Variants in MAGI3 observed in about 807,000 individuals in gnomAD.
MAGI3 encodes membrane associated guanylate kinase, WW and PDZ domain containing 3.
A neutral mutation model predicts 121.8 loss-of-function variants in MAGI3; 43 were observed. That is an observed-to-expected ratio of 0.35 (90% CI 0.28 to 0.46). MAGI3 has a LOEUF of 0.46. Among genes scored for constraint, MAGI3 ranks in the 20% least tolerant of loss-of-function variants. The probability of loss-of-function intolerance (pLI) is 1.00; values close to 1 mark genes in which losing one functional copy is unlikely to be tolerated. For synonymous variants in MAGI3, 553 were observed against 639.3 expected, an observed-to-expected ratio of 0.86 and a Z score of 2.04; for missense variants, 1,547 against 1,797.3, an observed-to-expected ratio of 0.86 and a Z score of 2.52.
chr1:113,681,556 TTAATC>T (rs1648217896), intron 20 of MAGI3, among the ~76,000 whole-genome samples: 1 of 152,208 alleles, frequency 6.6e-6, no homozygotes. Context: ...TATTTTAAAT[TTAATC>T]AGAAAAAACA....
chr1:113,512,278 T>C (rs1437515036), intron 1 of MAGI3, among the ~76,000 whole-genome samples: 1 of 152,198 alleles, frequency 6.6e-6, no homozygotes, highest in Non-Finnish European at 1.5e-5. Context: ...TCTTCTATTA[T>C]AATGTTTAGA....
intron 8 of MAGI3, among the ~76,000 whole-genome samples, chr1:113,621,019 G>A (rs1019571832): frequency 3.3e-5 from 5 of 152,174 alleles, no homozygotes; most frequent in South Asian, 2.1e-4. Flanking sequence ...GCATAAAGAC[G>A]GGAGTACCCA....
intron 9 of MAGI3, among the ~76,000 whole-genome samples, chr1:113,627,301 T>C (rs1206929270): frequency 6.6e-6 from 1 of 151,984 alleles, no homozygotes; most frequent in Non-Finnish European, 1.5e-5. Context: ...AGATACTTGA[T>C]ATAATTTTAA....
chr1:113,628,773 T>C (rs1651411305), intron 9 of MAGI3, among the ~76,000 whole-genome samples: 1 of 152,216 alleles, frequency 6.6e-6, no homozygotes, highest in Non-Finnish European at 1.5e-5. Flanking sequence ...CACTGGAAAG[T>C]CTGCTGTTAG....
chr1:113,518,554 A>G (rs2051880277), intron 1 of MAGI3, among the ~76,000 whole-genome samples: 1 of 152,108 alleles, frequency 6.6e-6, no homozygotes. Flanking sequence ...GAAACCTTTC[A>G]ACTATAATTA....
chr1:113,456,824 G>A (rs942687667), intron 1 of MAGI3, among the ~76,000 whole-genome samples: 1 of 147,912 alleles, frequency 6.8e-6, no homozygotes, highest in African/African-American at 2.5e-5. Context: ...ATGAAAATAG[G>A]ATAAAATAAA....
At chr1:113,420,815 C>G (rs1462050654) in intron 1 of MAGI3, among the ~76,000 whole-genome samples, 2 of 152,090 alleles carry the variant, frequency 1.3e-5, no homozygotes, top group African/African-American at 4.8e-5. Context: ...CAGGTAGACT[C>G]AAAAAGCTTT....
chr1:113,653,901 G>A lies in MAGI3; in HGVS notation c.2512G>A (p.Ala838Thr), dbSNP rs1653321352. 1.2e-6 allele frequency: 2 copies of A among 1,613,932 alleles called. No homozygotes were observed. The highest frequency in any genetic ancestry group is 1.7e-6 in the Non-Finnish European group (2 of 1,179,988). ...GAATGGATCTCCCCGCCTGAACCGGGCAGAGGTCCCAGCCAGGCCTGCACC... is the reference window on the plus strand; with the variant it reads ...GAATGGATCTCCCCGCCTGAACCGGACAGAGGTCCCAGCCAGGCCTGCACC... ...TQNGSPRLNRAEVPARPAPQE... is the reference protein window; with the variant it reads ...TQNGSPRLNRTEVPARPAPQE... The change falls in exon 15 of 21, where the codon GCA becomes ACA. Residue 838 changes from alanine to threonine, a missense_variant. By Grantham distance (58) the Ala-to-Thr change is moderately conservative. Coordinates refer to ENST00000307546, the MANE Select transcript of MAGI3 (RefSeq NM_001142782.2).
chr1:113,391,108 CCCGGGCGACTTCGGCGCG>C lies in MAGI3; in HGVS notation c.76_93del (p.Pro26_Ala31del). The C allele has an allele frequency of 6.3e-7, 1 of 1,582,180 alleles. No homozygotes were observed. The highest frequency in any genetic ancestry group is 8.6e-7 in the Non-Finnish European group (1 of 1,164,788). The stretch of plus-strand genomic sequence containing the variant: ...AGTGCGCCGTGTCCTGGGCCGGGCC[CCCGGGCGACTTCGGCGCG>C]GAGATCCGCGGTGGCGCGGAGCGTG... On this transcript the variant is annotated inframe_deletion, in exon 1 of 21. Coordinates refer to ENST00000307546, the MANE Select transcript of MAGI3 (RefSeq NM_001142782.2). The surrounding 1 kb of genome is among the most constrained non-coding windows in gnomAD (Gnocchi z 4.4).
At chr1:113,662,895 G>A (rs1357056263) in intron 16 of MAGI3, among the ~76,000 whole-genome samples, 3 of 151,654 alleles carry the variant, frequency 2.0e-5, no homozygotes, top group African/African-American at 7.3e-5. Context: ...TTTTTAATTG[G>A]GATAGACTTC....
intron 1 of MAGI3, among the ~76,000 whole-genome samples, chr1:113,414,521 T>A (rs1226396010): frequency 6.6e-6 from 1 of 152,128 alleles, no homozygotes; most frequent in Non-Finnish European, 1.5e-5. Context: ...TTTTTTTTGT[T>A]GGTAGGCTAT....
In MAGI3 at chr1:113,490,541, T is replaced by G. The variant is rs577389918; in HGVS notation, c.317-58974T>G. ...CAAACATACTAATACTAACCTTGAATGTAATGAGCTAAATGCCCCAATTAA... is the reference window on the plus strand; with the variant it reads ...CAAACATACTAATACTAACCTTGAAGGTAATGAGCTAAATGCCCCAATTAA... On this transcript the variant is annotated intron_variant, in intron 1 of 20. Coordinates refer to ENST00000307546, the MANE Select transcript of MAGI3 (RefSeq NM_001142782.2). 9.8e-5 allele frequency among the ~76,000 whole-genome samples: 15 copies of G among 152,300 alleles called. No individual in the cohort carries two copies. The South Asian group carries it at 3.1e-3, about 32-fold the overall frequency.
chr1:113,666,485 G>A (rs978452703), intron 16 of MAGI3, among the ~76,000 whole-genome samples: 1 of 152,174 alleles, frequency 6.6e-6, no homozygotes, highest in African/African-American at 2.4e-5. Context: ...ACCTGTTCAA[G>A]TTTTGTCATG....
At chr1:113,639,931 C>G (rs1652346465) in intron 9 of MAGI3, among the ~76,000 whole-genome samples, 1 of 152,158 alleles carries the variant, frequency 6.6e-6, no homozygotes, top group African/African-American at 2.4e-5. Flanking sequence ...TGTCGAATTC[C>G]TGACCTCAGG....
chr1:113,609,150 C>T (rs1462065806), intron 6 of MAGI3, among the ~76,000 whole-genome samples: 22 of 152,184 alleles, frequency 1.4e-4, no homozygotes, highest in Non-Finnish European at 2.4e-4. Flanking sequence ...TTCCTCTCTA[C>T]ACTTTGTCTC....
At chr1:113,639,002 T>C (rs1234226206) in intron 9 of MAGI3, among the ~76,000 whole-genome samples, 1 of 152,194 alleles carries the variant, frequency 6.6e-6, no homozygotes, top group Non-Finnish European at 1.5e-5. Flanking sequence ...GTGCTAGCAA[T>C]CAGTGAGACT....
At chr1:113,664,107 A>G (rs1035205989) in intron 16 of MAGI3, among the ~76,000 whole-genome samples, 7 of 152,188 alleles carry the variant, frequency 4.6e-5, no homozygotes, top group African/African-American at 9.6e-5. Context: ...TATCAGATAC[A>G]TGGTTTGCAA....
At chr1:113,594,193 A>G (rs1009359127) in intron 5 of MAGI3, among the ~76,000 whole-genome samples, 2 of 152,204 alleles carry the variant, frequency 1.3e-5, no homozygotes, top group African/African-American at 4.8e-5. Context: ...CTTTTGAAAC[A>G]TTTTTAACTG....
rs1295683728 is a variant in MAGI3, at chr1:113,681,286, A to G, written c.3278A>G (p.Asn1093Ser). ...RAIELIQAGG[N>S]KVLLLLRPGT... is the part of the protein sequence containing the mutation. ...ATTGAGCTCATTCAGGCTGGTGGAAATAAAGTTCTTCTTCTTTTGAGGCCA... is the reference window on the plus strand; with the variant it reads ...ATTGAGCTCATTCAGGCTGGTGGAAGTAAAGTTCTTCTTCTTTTGAGGCCA... The change falls in exon 20 of 21, where the codon AAT becomes AGT. Residue 1093 changes from asparagine to serine, a missense_variant. Coordinates refer to ENST00000307546, the MANE Select transcript of MAGI3 (RefSeq NM_001142782.2). 1.9e-6 allele frequency: 3 copies of G among 1,614,048 alleles called. No individual in the cohort carries two copies. Among genetic ancestry groups the G allele is most frequent in the Non-Finnish European group, 2.5e-6 (3 of 1,180,024 alleles).
Sources: gnomAD v4.1 joint callset for allele counts (sites outside exome capture counted in the v4.1 genomes callset) on GRCh38, gnomAD v4.1.1 for gene constraint, Gnocchi (gnomAD v3.1) non-coding constraint, MANE v1.5 for transcripts, NCBI Gene and HGNC (gene_info 2026-07-23, HGNC 2026-07-21) for gene names.